PHF14: variants seen among roughly 807,000 people sequenced by gnomAD.
The protein encoded by PHF14 is PHD finger protein 14.
PHF14 carries 55 observed loss-of-function variants against 117.9 expected under a neutral mutation model. That is an observed-to-expected ratio of 0.47 (90% CI 0.38 to 0.58). The LOEUF is 0.58. Ranked by LOEUF, PHF14 falls within the 20% of genes least tolerant of loss-of-function variation. PHF14 has a pLI of 0.00. For missense variants in PHF14, 978 were observed against 1,122.2 expected (o/e 0.87, Z 1.84); for synonymous variants, 409 against 368.6 (o/e 1.11, Z -1.26).
rs200165072 is a variant in PHF14, at chr7:11,122,350, T to C, written c.2772+10883T>C. 8.3e-3 allele frequency among the ~76,000 whole-genome samples: 521 copies of C among 63,038 alleles called. 12 individuals are homozygous for C. The highest frequency in any genetic ancestry group is 0.049 in the East Asian group (71 of 1,440). 41.4% of individuals were successfully genotyped at this position (63,038 alleles called of 152,430 possible). A position where few individuals can be genotyped will look rare whatever the true frequency, so the allele number is the denominator to read the frequency against. On this transcript the variant is annotated intron_variant, in intron 17 of 17. Coordinates refer to ENST00000634607, the MANE Select transcript of PHF14 (RefSeq NM_001007157.2). ...TACTTTTTATATATATATATATATATATACACACACACACACACACACACA... is the reference window on the plus strand; with the variant it reads ...TACTTTTTATATATATATATATATACATACACACACACACACACACACACA...
intron 17 of PHF14, 145 bp downstream of exon 17, chr7:11,111,612 G>A (rs1001908874): frequency 5.8e-5 from 23 of 395,316 alleles, no homozygotes; most frequent in Admixed American, 5.7e-4. Flanking sequence ...TATTGCTATG[G>A]TTATTTTCTT....
At chr7:11,083,835 C>T (rs573215690) in intron 16 of PHF14, among the ~76,000 whole-genome samples, 8 of 151,982 alleles carry the variant, frequency 5.3e-5, no homozygotes, top group Non-Finnish European at 1.0e-4. Context: ...TAAAAATGAG[C>T]GGTTGCCAGT....
At chr7:11,050,268 C>G (rs770409569) in intron 13 of PHF14, among the ~76,000 whole-genome samples, 5 of 151,956 alleles carry the variant, frequency 3.3e-5, no homozygotes, top group Admixed American at 1.3e-4. Context: ...GAATTATAAG[C>G]TACATTCAAA....
intron 13 of PHF14, among the ~76,000 whole-genome samples, chr7:11,044,746 A>C (rs1245490947): frequency 6.6e-6 from 1 of 152,190 alleles, no homozygotes; most frequent in African/African-American, 2.4e-5. Context: ...TCTATGCTCT[A>C]GAGGTTATTT....
intron 17 of PHF14, among the ~76,000 whole-genome samples, chr7:11,126,738 T>G (rs1787939119): frequency 6.6e-6 from 1 of 150,924 alleles, no homozygotes; most frequent in Admixed American, 6.6e-5. Context: ...AAAATACAGT[T>G]AGCTGTATTT....
intron 16 of PHF14, 169 bp from the exon 17 acceptor site, chr7:11,111,180 GT>G: frequency 2.1e-6 from 1 of 472,494 alleles, no homozygotes; most frequent in Non-Finnish European, 3.8e-6. Flanking sequence ...TTTATTTCAG[GT>G]TTAGTTTGCC....
intron 17 of PHF14, among the ~76,000 whole-genome samples, chr7:11,128,699 T>C (rs1313909729): frequency 1.3e-5 from 2 of 150,994 alleles, no homozygotes; most frequent in Non-Finnish European, 3.0e-5. Flanking sequence ...TCTCTCTCTC[T>C]CCCCCCGCCC....
chr7:11,080,996 A>G (rs1372346411), intron 16 of PHF14, among the ~76,000 whole-genome samples: 2 of 152,204 alleles, frequency 1.3e-5, no homozygotes, highest in Non-Finnish European at 2.9e-5. Flanking sequence ...ACCATTATAC[A>G]ATTCATTTAT....
intron 4 of PHF14, among the ~76,000 whole-genome samples, chr7:10,994,872 G>A (rs556615641): frequency 4.5e-4 from 69 of 152,304 alleles, no homozygotes; most frequent in African/African-American, 1.6e-3. Flanking sequence ...ATTGCAAAGA[G>A]CGAAAGAACA....
rs1785283505 is a variant in PHF14, at chr7:11,062,960, A to G, written c.2654+875A>G. The G allele has an allele frequency of 4.3e-6, 4 of 937,486 alleles. No homozygotes were observed. The Admixed American group carries it at 1.9e-4, about 43-fold the overall frequency. 58.1% of individuals were successfully genotyped at this position (937,486 alleles called of 1,614,324 possible). A position where few individuals can be genotyped will look rare whatever the true frequency, so the allele number is the denominator to read the frequency against. Reference sequence around the variant, plus strand: ...CTGTTAAATTAACTGAGGACACAGAAATTAAACATTTCAAAAAGAATAAAC... The same window carrying G: ...CTGTTAAATTAACTGAGGACACAGAGATTAAACATTTCAAAAAGAATAAAC... On this transcript the variant is annotated intron_variant, in intron 16 of 17. Coordinates refer to ENST00000634607, the MANE Select transcript of PHF14 (RefSeq NM_001007157.2).
chr7:11,120,553 T>C (rs556495110), intron 17 of PHF14, among the ~76,000 whole-genome samples: 3 of 152,224 alleles, frequency 2.0e-5, no homozygotes, highest in South Asian at 2.1e-4. Context: ...CCATTTGTTA[T>C]AATTTCTTGG....
chr7:11,111,525 C>T (rs2128343554), intron 17 of PHF14, 58 bp downstream of exon 17: 2 of 792,096 alleles, frequency 2.5e-6, no homozygotes, highest in East Asian at 5.5e-5. Flanking sequence ...ATAGCTTTCC[C>T]ATGTCACACA....
At chr7:11,102,161 T>G (rs997370873) in intron 16 of PHF14, among the ~76,000 whole-genome samples, 1 of 151,888 alleles carries the variant, frequency 6.6e-6, no homozygotes, top group Non-Finnish European at 1.5e-5. Flanking sequence ...GATTAAATAT[T>G]TCCTTTTATA....
At chr7:10,994,836 C>T (rs1457927849) in intron 4 of PHF14, among the ~76,000 whole-genome samples, 6 of 152,054 alleles carry the variant, frequency 3.9e-5, no homozygotes, top group African/African-American at 1.4e-4. Context: ...CAGCGCGTAC[C>T]CGAAGAGTGA....
chr7:11,121,979 A>G (rs891559903), intron 17 of PHF14, among the ~76,000 whole-genome samples: 3 of 151,702 alleles, frequency 2.0e-5, no homozygotes, highest in Non-Finnish European at 4.4e-5. Flanking sequence ...CCCTGCATGC[A>G]TTAGGTATTT....
chr7:11,005,701 T>G lies in PHF14; in HGVS notation c.1046-8046T>G, dbSNP rs549238482. Among the ~76,000 whole-genome samples the G allele has an allele frequency of 3.3e-5, 5 of 152,322 alleles. No individual in the cohort carries two copies. The South Asian group carries it at 1.0e-3, about 32-fold the overall frequency. ...TGTACTTATTTTTTTGTTTCAAGTTTTTCACTTATATATAGTGCTGACAAA... is the reference window on the plus strand; with the variant it reads ...TGTACTTATTTTTTTGTTTCAAGTTGTTCACTTATATATAGTGCTGACAAA... On this transcript the variant is annotated intron_variant, in intron 4 of 17. Transcript: ENST00000634607.
chr7:11,023,799 G>A (rs900297403), intron 6 of PHF14, among the ~76,000 whole-genome samples: 1 of 152,126 alleles, frequency 6.6e-6, no homozygotes, highest in Non-Finnish European at 1.5e-5. Flanking sequence ...CGGCACTCCA[G>A]CCTGGGCGAC....
At chr7:11,023,222 C>A (rs1050754740) in intron 6 of PHF14, among the ~76,000 whole-genome samples, 1 of 152,076 alleles carries the variant, frequency 6.6e-6, no homozygotes, top group Non-Finnish European at 1.5e-5. Flanking sequence ...CTACCATTTC[C>A]CTGGCAGTGT....
chr7:11,123,250 C>CT (rs895915494), intron 17 of PHF14, among the ~76,000 whole-genome samples: 8 of 152,070 alleles, frequency 5.3e-5, no homozygotes, highest in Non-Finnish European at 1.0e-4. Context: ...TCAAGAGAGA[C>CT]TTTTTTGCCT....
Sources: gnomAD v4.1 joint callset for allele counts (sites outside exome capture counted in the v4.1 genomes callset) on GRCh38, gnomAD v4.1.1 for gene constraint, MANE v1.5 for transcripts, NCBI Gene and HGNC (gene_info 2026-07-23, HGNC 2026-07-21) for gene names.